MN1: variants seen among roughly 807,000 people sequenced by gnomAD.
MN1 encodes the protein MN1 proto-oncogene, transcriptional regulator.
In MN1, 19 loss-of-function variants were observed where a neutral mutation model predicts 86.9. The observed-to-expected ratio is 0.22, with a 90% CI of 0.15 to 0.32. The LOEUF (loss-of-function observed/expected upper bound fraction) is 0.32. MN1 is among the 10% of genes least tolerant of loss of function. MN1 has a pLI of 1.00. For missense variants in MN1, 1,841 were observed against 1,862.0 expected, an observed-to-expected ratio of 0.99 and a Z score of 0.21; for synonymous variants, 928 against 849.6, an observed-to-expected ratio of 1.09 and a Z score of -1.60.
chr22:27,794,782 T>G lies in MN1; in HGVS notation c.3781+1981A>C, dbSNP rs182040811. On this transcript the variant is annotated intron_variant, in intron 1 of 1. Coordinates refer to ENST00000302326, the MANE Select transcript of MN1 (RefSeq NM_002430.3). Reference sequence around the variant, plus strand: ...AAGACTTGAAGATGAAGTGCTACTGTTTTTCTTAAATGGATTCTTTAAATC... The same window carrying G: ...AAGACTTGAAGATGAAGTGCTACTGGTTTTCTTAAATGGATTCTTTAAATC... 7.6e-4 allele frequency among the ~76,000 whole-genome samples: 115 copies of G among 151,132 alleles called. 1 individual carries two copies. The highest frequency in any genetic ancestry group is 1.8e-4 in the Non-Finnish European group (12 of 67,882).
In MN1 at chr22:27,797,434, C is replaced by T; in HGVS notation, c.3110G>A (p.Ser1037Asn). 1 of 1,608,890 alleles carries T rather than the reference C, an allele frequency of 6.2e-7. No individual in the cohort carries two copies. The highest frequency in any genetic ancestry group is 2.2e-5 in the East Asian group (1 of 44,832). ...GGCGAACTCACCCACGTTTGGCGAA[C>T]TACTGTCCGACTTGGCCCCGCCGTC... Reference protein sequence around the residue: ...SLDGGAKSDSSSPNVGEFASD... With the variant: ...SLDGGAKSDSNSPNVGEFASD... The change falls in exon 1 of 2, where the codon AGT becomes AAT. Residue 1037 changes from serine to asparagine, a missense_variant. Physicochemically the swap from Ser to Asn is conservative, Grantham distance 46. Transcript: ENST00000302326.
At chr22:27,757,836 T>C (rs2146294783) in intron 1 of MN1, among the ~76,000 whole-genome samples, 1 of 151,964 alleles carries the variant, frequency 6.6e-6, no homozygotes, top group East Asian at 2.0e-4. Flanking sequence ...GTTCCTCACC[T>C]CCTTAGAAGG....
At position 27,800,236 on chromosome 22, in the gene MN1, C is replaced by T. The variant is rs773965619; in HGVS notation, c.308G>A (p.Gly103Glu). The T allele has an allele frequency of 2.1e-5, 33 of 1,584,194 alleles. No individual in the cohort carries two copies. The highest frequency in any genetic ancestry group is 2.7e-5 in the Non-Finnish European group (32 of 1,166,282). Residue 103 changes from glycine (G) to glutamate (E), a missense_variant, in exon 1 of 2, where the codon GGA becomes GAA. By Grantham distance (98) the Gly-to-Glu change is moderately conservative (BLOSUM62 -2). Transcript: ENST00000302326. ...GGQQPHHGHPGSHHPHQHHPH... is the reference protein window; with the variant it reads ...GGQQPHHGHPESHHPHQHHPH... The stretch of plus-strand genomic sequence containing the variant: ...GTGATGCTGGTGGGGATGATGACTT[C>T]CCGGGTGGCCGTGGTGAGGCTGCTG...
At chr22:27,773,944 G>A (rs984924140) in intron 1 of MN1, among the ~76,000 whole-genome samples, 22 of 152,088 alleles carry the variant, frequency 1.4e-4, no homozygotes, top group Admixed American at 6.5e-4. Context: ...GTGAGCCACC[G>A]CGCCCGGCCT....
At chr22:27,762,886 C>T (rs919990002) in intron 1 of MN1, among the ~76,000 whole-genome samples, 8 of 152,024 alleles carry the variant, frequency 5.3e-5, no homozygotes, top group African/African-American at 9.7e-5. Context: ...ATTGCTTGAG[C>T]CCAGGAGTTC....
rs1462517327 is a variant in MN1 at position 27,800,822 on chromosome 22, T to C, written c.-279A>G. 5.9e-6 allele frequency: 3 copies of C among 506,592 alleles called. No individual in the cohort carries two copies. Among genetic ancestry groups the C allele is most frequent in the Non-Finnish European group, 1.0e-5 (3 of 286,148 alleles). 31.4% of individuals were successfully genotyped at this position (506,592 alleles called of 1,614,324 possible). A position where few individuals can be genotyped will look rare whatever the true frequency, so the allele number is the denominator to read the frequency against. On this transcript the variant is annotated 5_prime_UTR_variant, in exon 1 of 2. Transcript: ENST00000302326. Reference sequence around the variant, plus strand: ...GTTGGGGGGCCCATGCCCCGGGCGGTTGTCACAGCCGCGGGTGGGTCTGCG... The same window carrying C: ...GTTGGGGGGCCCATGCCCCGGGCGGCTGTCACAGCCGCGGGTGGGTCTGCG...
At chr22:27,764,063 C>T (rs1932852807) in intron 1 of MN1, among the ~76,000 whole-genome samples, 1 of 152,154 alleles carries the variant, frequency 6.6e-6, no homozygotes, top group Admixed American at 6.5e-5. Context: ...GAGGAGGCTG[C>T]AAAATTCAAG....
Position 27,799,175 on chromosome 22 carries a change from G to A in MN1, c.1369C>T (p.Pro457Ser). ...APPYMNVAKR[P>S]RFDFPGSAGV... is the part of the protein sequence containing the mutation. The stretch of plus-strand genomic sequence containing the variant: ...GCGCTGCCCGGAAAGTCGAAGCGCG[G>A]CCTCTTGGCCACGTTCATGTAGGGG... Residue 457 changes from proline (P) to serine (S), a missense_variant, in exon 1 of 2, where the codon CCG (proline) becomes TCG (serine). Transcript: ENST00000302326. The A allele has an allele frequency of 6.2e-7, 1 of 1,606,488 alleles. No homozygotes were observed. Among genetic ancestry groups the A allele is most frequent in the Non-Finnish European group, 8.5e-7 (1 of 1,174,886 alleles).
chr22:27,800,064 C>T lies in MN1; in HGVS notation c.480G>A (p.Gln160=), dbSNP rs1488038515. Residue 160 remains glutamine, a synonymous_variant, in exon 1 of 2, where the codon CAG becomes CAA. Coordinates refer to ENST00000302326, the MANE Select transcript of MN1 (RefSeq NM_002430.3). ...AEGYEHMAES[Q]GPESFGPQRP... Reference sequence around the variant, plus strand: ...GCTGCGGGCCGAAGCTCTCAGGCCCCTGGCTCTCCGCCATGTGCTCATAGC... The same window carrying T: ...GCTGCGGGCCGAAGCTCTCAGGCCCTTGGCTCTCCGCCATGTGCTCATAGC... The T allele has an allele frequency of 6.3e-7, 1 of 1,599,990 alleles. No individual in the cohort carries two copies. The highest frequency in any genetic ancestry group is 8.5e-7 in the Non-Finnish European group (1 of 1,178,734).
chr22:27,755,602 C>G lies in MN1; in HGVS notation c.3782-4506G>C, dbSNP rs45556837. ...CACTCCTCAGCTTTTCTTCATGGCA[C>G]AAATCCTCGCTGATCTTCCGGCCTC... On this transcript the variant is annotated intron_variant, in intron 1 of 1. Coordinates refer to ENST00000302326, the MANE Select transcript of MN1 (RefSeq NM_002430.3). Among the ~76,000 whole-genome samples, 591 of 152,352 alleles carry G rather than the reference C, an allele frequency of 3.9e-3. 21 individuals are homozygous for G. In the East Asian group the frequency reaches 0.082, roughly 21 times the overall value.
At chr22:27,771,622 A>G (rs1052266072) in intron 1 of MN1, among the ~76,000 whole-genome samples, 39 of 152,192 alleles carry the variant, frequency 2.6e-4, no homozygotes, top group African/African-American at 8.7e-4. Flanking sequence ...CCATAAATAA[A>G]GTTTTATCAG....
intron 1 of MN1, among the ~76,000 whole-genome samples, chr22:27,754,543 G>A (rs534352974): frequency 7.9e-5 from 12 of 152,218 alleles, no homozygotes; most frequent in Admixed American, 2.0e-4. Context: ...ATATTTTTAA[G>A]AGAGAATATT....
chr22:27,781,784 G>C (rs887280819), intron 1 of MN1, among the ~76,000 whole-genome samples: 4 of 152,072 alleles, frequency 2.6e-5, no homozygotes, highest in Admixed American at 6.5e-5. Context: ...GCCAGGATTC[G>C]ATCCCAGGCT....
intron 1 of MN1, among the ~76,000 whole-genome samples, chr22:27,765,903 T>C (rs1278916682): frequency 6.6e-6 from 1 of 152,054 alleles, no homozygotes; most frequent in Non-Finnish European, 1.5e-5. Flanking sequence ...ATTATTTCCA[T>C]TAAAACGACA....
At chr22:27,773,177 G>A (rs1932934971) in intron 1 of MN1, among the ~76,000 whole-genome samples, 2 of 151,780 alleles carry the variant, frequency 1.3e-5, no homozygotes, top group Admixed American at 1.3e-4. Flanking sequence ...AAGAAAAGGG[G>A]GCCCCTCTTC....
At position 27,794,976 on chromosome 22, in the gene MN1, C is replaced by T. The variant is rs536611811; in HGVS notation, c.3781+1787G>A. On this transcript the variant is annotated intron_variant, in intron 1 of 1. Coordinates refer to ENST00000302326, the MANE Select transcript of MN1 (RefSeq NM_002430.3). ...GCTGAGATTTGTGCTAACCAGCTAT[C>T]GATCGGGCCAGATCGAGATGTCGTG... is the stretch of plus-strand genomic sequence containing the variant. Among the ~76,000 whole-genome samples the T allele has an allele frequency of 5.1e-4, 74 of 143,820 alleles. 1 individual carries two copies. Among genetic ancestry groups the T allele is most frequent in the Admixed American group, 6.0e-4 (8 of 13,330 alleles). 94.4% of individuals were successfully genotyped at this position (143,820 alleles called of 152,430 possible).
chr22:27,797,119 C>G lies in MN1; in HGVS notation c.3425G>C (p.Ser1142Thr), dbSNP rs967837488. 6.3e-7 allele frequency: 1 copy of G among 1,589,568 alleles called. No homozygotes were observed. The highest frequency in any genetic ancestry group is 8.6e-7 in the Non-Finnish European group (1 of 1,169,548). Reference protein sequence around the residue: ...LEQVRTPTSSSGAPPPDEIHP... With the variant: ...LEQVRTPTSSTGAPPPDEIHP... ...GATCTCGTCGGGTGGCGGGGCGCCG[C>G]TGCTGCTCGTCGGGGTGCGGACCTG... Residue 1142 changes from serine (S) to threonine (T), a missense_variant, in exon 1 of 2, where the codon AGC becomes ACC. Transcript: ENST00000302326.
Position 27,796,954 on chromosome 22 carries a change from C to G in MN1, c.3590G>C (p.Ser1197Thr). 1 of 1,612,462 alleles carries G rather than the reference C, an allele frequency of 6.2e-7. No individual in the cohort carries two copies. Among genetic ancestry groups the G allele is most frequent in the Non-Finnish European group, 8.5e-7 (1 of 1,179,798 alleles). The change falls in exon 1 of 2, where the codon AGC becomes ACC. Residue 1197 changes from serine to threonine, a missense_variant. Transcript: ENST00000302326. ...VGASGAQNGD[S>T]ELGSCCSEAV... The stretch of plus-strand genomic sequence containing the variant: ...CTCGGAGCAGCAGCTGCCCAGCTCG[C>G]TGTCGCCATTCTGCGCCCCTGAGGC...
rs575575846 is a variant in MN1, at chr22:27,785,929, TA to T, written c.3781+10833del. 2.2e-3 allele frequency among the ~76,000 whole-genome samples: 331 copies of T among 152,232 alleles called. 1 individual carries two copies. Among genetic ancestry groups the T allele is most frequent in the African/African-American group, 7.7e-3 (319 of 41,540 alleles). On this transcript the variant is annotated intron_variant, in intron 1 of 1. Transcript: ENST00000302326. ...TCCATTAGACTTTAACGGGCCCACA[TA>T]AAAAAAGAAATTGTATCCTCATCTC...
Sources: gnomAD v4.1 joint callset for allele counts (sites outside exome capture counted in the v4.1 genomes callset) on GRCh38, gnomAD v4.1.1 for gene constraint, MANE v1.5 for transcripts, NCBI Gene and HGNC (gene_info 2026-07-23, HGNC 2026-07-21) for gene names.